ERBB3: variants seen among roughly 807,000 people sequenced by gnomAD.
The protein encoded by ERBB3 is erb-b2 receptor tyrosine kinase 3.
In ERBB3, 96 loss-of-function variants were observed where a neutral mutation model predicts 156.7. That is an observed-to-expected ratio of 0.61 (90% CI 0.52 to 0.73). The LOEUF is 0.73. Among genes scored for constraint, ERBB3 ranks in the 30% least tolerant of loss-of-function variants. The probability of loss-of-function intolerance (pLI) is 0.00; values close to 1 mark genes in which losing one functional copy is unlikely to be tolerated. For synonymous variants in ERBB3, 567 were observed against 632.0 expected, an observed-to-expected ratio of 0.90 and a Z score of 1.54; for missense variants, 1,406 against 1,709.4, an observed-to-expected ratio of 0.82 and a Z score of 3.13.
intron 5 of ERBB3, 47 bp downstream of exon 5, chr12:56,087,689 T>C (rs1016891497): frequency 8.7e-6 from 14 of 1,601,580 alleles, no homozygotes; most frequent in Admixed American, 1.7e-5. Flanking sequence ...CGCTTTCATA[T>C]CCCTTCCTCC....
rs566107230 is a variant in ERBB3 at position 56,098,133 on chromosome 12, G to A, written c.2616+193G>A. On this transcript the variant is annotated intron_variant, in intron 21 of 27. Coordinates refer to ENST00000267101, the MANE Select transcript of ERBB3 (RefSeq NM_001982.4). The stretch of plus-strand genomic sequence containing the variant: ...CAAGAACTTGGGACTGGCCGGGCGC[G>A]GTGGCTCACGCCTGTAATCCCAACA... 598 of 626,934 alleles carry A rather than the reference G, an allele frequency of 9.5e-4. 14 individuals are homozygous for A. The South Asian group carries it at 0.011, about 12-fold the overall frequency. The allele number at this position is 626,934 out of a possible 1,614,324, so 38.8% of individuals were successfully genotyped here. A position where few individuals can be genotyped will look rare whatever the true frequency, so the allele number is the denominator to read the frequency against.
intron 14 of ERBB3, 27 bp downstream of exon 14, chr12:56,094,216 A>T (rs376698708): frequency 2.5e-5 from 39 of 1,583,764 alleles, no homozygotes; most frequent in Non-Finnish European, 3.0e-5. Context: ...AGGATCTCCA[A>T]GGGAGACAGA....
Position 56,098,974 on chromosome 12 carries a change from G to A in ERBB3, c.2839+69G>A, listed in dbSNP as rs570748881. 170 of 1,254,016 alleles carry A rather than the reference G, an allele frequency of 1.4e-4. 1 individual carries two copies. The African/African-American group carries it at 2.6e-3, about 19-fold the overall frequency. 77.7% of individuals were successfully genotyped at this position (1,254,016 alleles called of 1,614,324 possible). A position where few individuals can be genotyped will look rare whatever the true frequency, so the allele number is the denominator to read the frequency against. On this transcript the variant is annotated intron_variant, in intron 23 of 27. Transcript: ENST00000267101. The stretch of plus-strand genomic sequence containing the variant: ...TTTTTTCTTTTTTTTTTTTTTTTGA[G>A]ACAGAGTCTCACAATTGTCACCCAG...
chr12:56,100,170 C>T lies in ERBB3; in HGVS notation c.3130-4C>T. On this transcript the variant is annotated splice_polypyrimidine_tract_variant and splice_region_variant and intron_variant, in intron 25 of 27. Coordinates refer to ENST00000267101, the MANE Select transcript of ERBB3 (RefSeq NM_001982.4). ...TTAACCTTTTCCTTATTTTTTCATC[C>T]TAGAGCCAGAGCCTTTTAAGTCCAT... 6.2e-7 allele frequency: 1 copy of T among 1,612,934 alleles called. No individual in the cohort carries two copies.
rs1868770496 is a variant in ERBB3 at position 56,093,076 on chromosome 12, A to G, written c.1274A>G (p.Asn425Ser). 6.2e-7 allele frequency: 1 copy of G among 1,605,278 alleles called. No individual in the cohort carries two copies. Among genetic ancestry groups the G allele is most frequent in the Non-Finnish European group, 8.5e-7 (1 of 1,171,914 alleles). ...ACCATTGGAGGCAGAAGCCTCTACA[A>G]GTGAGTAAAGGGTATGGAGGAAATG... ...LTTIGGRSLY[N>S]RGFSLLIMKN... The change falls in exon 11 of 28, where the codon AAC (asparagine) becomes AGC (serine). Residue 425 changes from asparagine to serine, a missense_variant and splice_region_variant. Physicochemically the swap from Asn to Ser is conservative, Grantham distance 46. Coordinates refer to ENST00000267101, the MANE Select transcript of ERBB3 (RefSeq NM_001982.4).
At position 56,102,354 on chromosome 12, in the gene ERBB3, T is replaced by A. The variant is rs886767222; in HGVS notation, c.*299T>A. Reference sequence around the variant, plus strand: ...CACTCCTGGAGATATGAAGGATTACTCTCCATATCCCTTCCTCTCAGGCTC... The same window carrying A: ...CACTCCTGGAGATATGAAGGATTACACTCCATATCCCTTCCTCTCAGGCTC... On this transcript the variant is annotated 3_prime_UTR_variant, in exon 28 of 28. Coordinates refer to ENST00000267101, the MANE Select transcript of ERBB3 (RefSeq NM_001982.4). 5 of 436,598 alleles carry A rather than the reference T, an allele frequency of 1.1e-5. No homozygotes were observed. In the East Asian group the frequency reaches 2.0e-4, roughly 18 times the overall value. 27.0% of individuals were successfully genotyped at this position (436,598 alleles called of 1,614,324 possible).
Position 56,085,193 on chromosome 12 carries a change from A to C in ERBB3, c.421+12A>C. ...GACTCAGCTCACCGGTCAGTTCCCG[A>C]TGGTTCCTTCTGGCCTCACCCCTCA... On this transcript the variant is annotated intron_variant, in intron 3 of 27. Coordinates refer to ENST00000267101, the MANE Select transcript of ERBB3 (RefSeq NM_001982.4). 1 of 1,614,058 alleles carries C rather than the reference A, an allele frequency of 6.2e-7. No homozygotes were observed.
rs369605715 is a variant in ERBB3 at position 56,087,985 on chromosome 12, C to G, written c.733-36C>G. The G allele has an allele frequency of 3.1e-6, 5 of 1,614,060 alleles. No individual in the cohort carries two copies. In the South Asian group the frequency reaches 5.5e-5, roughly 18 times the overall value. On this transcript the variant is annotated intron_variant, in intron 6 of 27. Transcript: ENST00000267101. ...TTTGAGGAGGAGGTAGGGGTACACA[C>G]GTAACATAAATCTGATGAGCCTCCT...
intron 1 of ERBB3, among the ~76,000 whole-genome samples, chr12:56,081,504 C>T (rs1202903656): frequency 6.6e-6 from 1 of 152,100 alleles, no homozygotes; most frequent in Non-Finnish European, 1.5e-5. Flanking sequence ...AAATTTAGAT[C>T]CTGGGATTTT....
Position 56,080,174 on chromosome 12 carries a change from A to C in ERBB3, c.-127A>C. Reference sequence around the variant, plus strand: ...GGCTCCGGCTCCGATTGCAATTTGCAACCTCCGCTGCCGTCGCCGCAGCAG... The same window carrying C: ...GGCTCCGGCTCCGATTGCAATTTGCCACCTCCGCTGCCGTCGCCGCAGCAG... On this transcript the variant is annotated 5_prime_UTR_variant, in exon 1 of 28. Transcript: ENST00000267101. 1 of 761,296 alleles carries C rather than the reference A, an allele frequency of 1.3e-6. No homozygotes were observed. The highest frequency in any genetic ancestry group is 2.3e-6 in the Non-Finnish European group (1 of 440,246). The allele number at this position is 761,296 out of a possible 1,614,324, so 47.2% of individuals were successfully genotyped here.
chr12:56,086,592 T>G lies in ERBB3; in HGVS notation c.483T>G (p.Ile161Met). 6.2e-7 allele frequency: 1 copy of G among 1,614,082 alleles called. No homozygotes were observed. The highest frequency in any genetic ancestry group is 8.5e-7 in the Non-Finnish European group (1 of 1,179,948). The change falls in exon 4 of 28, where the codon ATT becomes ATG. Residue 161 changes from isoleucine (I) to methionine (M), a missense_variant. Physicochemically the swap from Ile to Met is conservative, Grantham distance 10. Transcript: ENST00000267101. Reference sequence around the variant, plus strand: ...ATAAGCTTTGTCACATGGACACAATTGACTGGAGGGACATCGTGAGGGACC... The same window carrying G: ...ATAAGCTTTGTCACATGGACACAATGGACTGGAGGGACATCGTGAGGGACC... Reference protein sequence around the residue: ...KNDKLCHMDTIDWRDIVRDRD... With the variant: ...KNDKLCHMDTMDWRDIVRDRD...
At chr12:56,082,779 C>G (rs1348026544) in intron 1 of ERBB3, among the ~76,000 whole-genome samples, 1 of 152,180 alleles carries the variant, frequency 6.6e-6, no homozygotes, top group African/African-American at 2.4e-5. Flanking sequence ...TGCCATGTAC[C>G]TCTAGTCTAG....
chr12:56,093,928 G>T, intron 13 of ERBB3, 32 bp downstream of exon 13: 1 of 1,612,198 alleles, frequency 6.2e-7, no homozygotes. Flanking sequence ...AAGGATGGGT[G>T]GGGGTGGGGC....
chr12:56,093,951 C>T, intron 13 of ERBB3, 55 bp downstream of exon 13: 2 of 1,608,064 alleles, frequency 1.2e-6, no homozygotes, highest in East Asian at 4.5e-5. Flanking sequence ...TGCAATGGAA[C>T]TGTTCAGGTG....
Position 56,088,591 on chromosome 12 carries a change from A to T in ERBB3, c.923A>T (p.Asp308Val), listed in dbSNP as rs2136797184. The T allele has an allele frequency of 6.2e-7, 1 of 1,614,106 alleles. No individual in the cohort carries two copies. The highest frequency in any genetic ancestry group is 8.5e-7 in the Non-Finnish European group (1 of 1,180,018). Residue 308 changes from aspartate to valine, a missense_variant, in exon 8 of 28, where the codon GAC (aspartate) becomes GTC (valine). Coordinates refer to ENST00000267101, the MANE Select transcript of ERBB3 (RefSeq NM_001982.4). ...TCCTGTGTCAGGGCCTGTCCTCCTGACAAGATGGAAGTAGATAAAAATGGG... is the reference window on the plus strand; with the variant it reads ...TCCTGTGTCAGGGCCTGTCCTCCTGTCAAGATGGAAGTAGATAAAAATGGG... ...QTSCVRACPP[D>V]KMEVDKNGLK...
rs977169382 is a variant in ERBB3, at chr12:56,102,715, T to A, written c.*660T>A. On this transcript the variant is annotated 3_prime_UTR_variant, in exon 28 of 28. Transcript: ENST00000267101. ...CGGGCATGGTGGCTCATGCCTGTAA[T>A]CTCAGCACTTTGGGAGGCTGAGGCA... 1 of 212,418 alleles carries A rather than the reference T, an allele frequency of 4.7e-6. No homozygotes were observed. Among genetic ancestry groups the A allele is most frequent in the Non-Finnish European group, 9.3e-6 (1 of 108,082 alleles). 13.2% of individuals were successfully genotyped at this position (212,418 alleles called of 1,614,324 possible).
intron 3 of ERBB3, chr12:56,085,463 G>A (rs917760302): frequency 2.2e-6 from 3 of 1,383,146 alleles, no homozygotes; most frequent in African/African-American, 2.9e-5. Context: ...GTGTACCGGA[G>A]GCCAGGCCTG....
rs550253578 is a variant in ERBB3 at position 56,089,141 on chromosome 12, T to A, written c.1109+273T>A. On this transcript the variant is annotated intron_variant, in intron 9 of 27. Coordinates refer to ENST00000267101, the MANE Select transcript of ERBB3 (RefSeq NM_001982.4). ...TCTTAAAGTTTTCTTTTTTATTCTT[T>A]TTTCTTTTTTGAGATAGGGTCTTGC... The A allele has an allele frequency of 2.6e-4, 132 of 514,664 alleles. 1 individual carries two copies. Among genetic ancestry groups the A allele is most frequent in the African/African-American group, 2.0e-3 (94 of 47,746 alleles). 31.9% of individuals were successfully genotyped at this position (514,664 alleles called of 1,614,324 possible). A position where few individuals can be genotyped will look rare whatever the true frequency, so the allele number is the denominator to read the frequency against.
Position 56,094,257 on chromosome 12 carries a change from T to TGATA in ERBB3, c.1704+69_1704+72dup, listed in dbSNP as rs1309447930. ...GGCAATACTTGGAGCATCTGGGGAA[T>TGATA]GATATGGCTAAGGATAGCACAGAGA... On this transcript the variant is annotated intron_variant, in intron 14 of 27. Coordinates refer to ENST00000267101, the MANE Select transcript of ERBB3 (RefSeq NM_001982.4). 3 of 1,455,956 alleles carry TGATA rather than the reference T, an allele frequency of 2.1e-6. No individual in the cohort carries two copies. The Admixed American group carries it at 5.0e-5, about 24-fold the overall frequency. The allele number at this position is 1,455,956 out of a possible 1,614,324, so 90.2% of individuals were successfully genotyped here.
Sources: gnomAD v4.1 joint callset for allele counts (sites outside exome capture counted in the v4.1 genomes callset) on GRCh38, gnomAD v4.1.1 for gene constraint, MANE v1.5 for transcripts, NCBI Gene and HGNC (gene_info 2026-07-23, HGNC 2026-07-21) for gene names.